The following RIMS1 variants were observed in gnomAD, a reference collection of about 807,000 sequenced individuals.
RIMS1 encodes the protein regulating synaptic membrane exocytosis protein 1.
Under a neutral mutation model 214.1 loss-of-function variants are expected in RIMS1, and 83 were observed. That is an observed-to-expected ratio of 0.39 (90% confidence interval 0.32 to 0.47). The LOEUF (loss-of-function observed/expected upper bound fraction) is 0.47, where lower values mean the gene tolerates loss of function less well. RIMS1 is among the 20% of genes least tolerant of loss of function. The pLI, the probability that RIMS1 is intolerant of heterozygous loss-of-function variation, is 0.99. For missense variants in RIMS1, 2,050 were observed against 2,161.8 expected (o/e 0.95, Z 1.03); for synonymous variants, 793 against 786.8 (o/e 1.01, Z -0.13).
chr6:72,197,345 G>A (rs190868086), intron 6 of RIMS1, among the ~76,000 whole-genome samples: 15 of 152,128 alleles, frequency 9.9e-5, no homozygotes, highest in South Asian at 4.2e-4. Flanking sequence ...GAAGAACCAC[G>A]ATAAACCAAG....
chr6:72,246,681 A>G (rs191724877), intron 11 of RIMS1, among the ~76,000 whole-genome samples: 5 of 152,288 alleles, frequency 3.3e-5, no homozygotes, highest in Admixed American at 2.6e-4. Context: ...AATGCATACC[A>G]TCATGTTCTG....
chr6:72,121,738 A>C (rs2038371324), intron 4 of RIMS1, among the ~76,000 whole-genome samples: 2 of 151,912 alleles, frequency 1.3e-5, no homozygotes, highest in South Asian at 4.2e-4. Context: ...GCTAGTTTTC[A>C]AAGGGAATGC....
intron 4 of RIMS1, among the ~76,000 whole-genome samples, chr6:72,107,989 TTTTG>T (rs145435323): frequency 8.5e-5 from 13 of 152,152 alleles, no homozygotes; most frequent in African/African-American, 2.6e-4. Context: ...CATTCTGTTT[TTTTG>T]TTTGTTTGTT....
chr6:72,278,701 T>C (rs1416975918), intron 23 of RIMS1, among the ~76,000 whole-genome samples: 1 of 152,090 alleles, frequency 6.6e-6, no homozygotes, highest in African/African-American at 2.4e-5. Flanking sequence ...AACTAAAATA[T>C]GGTGAGTCTA....
In RIMS1 at chr6:72,274,447, C is replaced by G. The variant is rs775841365; in HGVS notation, c.3482+15C>G. The G allele has an allele frequency of 8.7e-6, 14 of 1,600,090 alleles. No homozygotes were observed. In the Admixed American group the frequency reaches 2.0e-4, roughly 23 times the overall value. On this transcript the variant is annotated intron_variant, in intron 23 of 33. Transcript: ENST00000521978. ...GAGAATGACAGGTACTAGTCAACTC[C>G]TCCTCACAGACAAGTGGCTTCTAGA...
intron 6 of RIMS1, among the ~76,000 whole-genome samples, chr6:72,218,952 A>G (rs1347504856): frequency 6.6e-6 from 1 of 152,162 alleles, no homozygotes; most frequent in Non-Finnish European, 1.5e-5. Context: ...TTATTAGTGC[A>G]TAGTTAGGAA....
intron 18 of RIMS1, among the ~76,000 whole-genome samples, chr6:72,259,672 A>G (rs1261654889): frequency 6.6e-6 from 1 of 152,158 alleles, no homozygotes; most frequent in African/African-American, 2.4e-5. Flanking sequence ...TTAATTCTGC[A>G]TTTGTGAACT....
At chr6:71,978,192 G>A (rs752128484) in intron 2 of RIMS1, among the ~76,000 whole-genome samples, 3 of 152,040 alleles carry the variant, frequency 2.0e-5, no homozygotes, top group Admixed American at 6.6e-5. Flanking sequence ...CTTTGAATGC[G>A]GAATGCATAT....
chr6:72,133,211 T>C (rs549195928), intron 4 of RIMS1, among the ~76,000 whole-genome samples: 1 of 147,556 alleles, frequency 6.8e-6, no homozygotes, highest in Non-Finnish European at 1.5e-5. Context: ...TAGCTCTCTC[T>C]CTTTTTTTTC....
chr6:72,011,031 A>T (rs186543745), intron 2 of RIMS1, among the ~76,000 whole-genome samples: 2 of 151,752 alleles, frequency 1.3e-5, no homozygotes, highest in Non-Finnish European at 3.0e-5. Flanking sequence ...GTCAATCCTT[A>T]GCCAAAAGAA....
At chr6:72,263,619 T>C (rs1229302273) in intron 19 of RIMS1, 11 of 985,184 alleles carry the variant, frequency 1.1e-5, no homozygotes, top group African/African-American at 3.5e-5. Context: ...TTACTAAAGA[T>C]ATTTGCCTGA....
At chr6:72,358,984 G>T (rs535812973) in intron 29 of RIMS1, among the ~76,000 whole-genome samples, 1 of 152,228 alleles carries the variant, frequency 6.6e-6, no homozygotes, top group African/African-American at 2.4e-5. Flanking sequence ...CCACCTAAGG[G>T]TCATTCTTTA....
In RIMS1 at chr6:72,182,638, C is replaced by T; in HGVS notation, c.1167C>T (p.Arg389=). The T allele has an allele frequency of 6.5e-7, 1 of 1,538,606 alleles. No individual in the cohort carries two copies. The highest frequency in any genetic ancestry group is 8.8e-7 in the Non-Finnish European group (1 of 1,141,780). Reference sequence around the variant, plus strand: ...TGTCCCGCGCCAGGCACGAGCGGCGCCACAGCGACGTGGCGCTCCCGCGCA... The same window carrying T: ...TGTCCCGCGCCAGGCACGAGCGGCGTCACAGCGACGTGGCGCTCCCGCGCA... ...ARVSRARHER[R]HSDVALPRTE... Residue 389 remains arginine (R), a synonymous_variant, in exon 6 of 34, where the codon CGC becomes CGT. Transcript: ENST00000521978.
chr6:72,251,528 T>A (rs758723525), intron 15 of RIMS1, among the ~76,000 whole-genome samples, 160 bp downstream of exon 15: 6 of 152,176 alleles, frequency 3.9e-5, no homozygotes, highest in Non-Finnish European at 8.8e-5. Flanking sequence ...TGTTTCTACA[T>A]TTTCACAATG....
chr6:71,908,390 C>A (rs1775894540), intron 1 of RIMS1, among the ~76,000 whole-genome samples: 1 of 152,144 alleles, frequency 6.6e-6, no homozygotes, highest in Non-Finnish European at 1.5e-5. Flanking sequence ...CTCTCTCCTG[C>A]TGGATGAACC....
rs572968148 is a variant in RIMS1 at position 72,118,294 on chromosome 6, T to C, written c.471+18308T>C. ...TGCCATTATAGGAGGTTTTTTCCAC[T>C]GATTCCCCCTGTTATTTTTTTTTTA... On this transcript the variant is annotated intron_variant, in intron 4 of 33. Coordinates refer to ENST00000521978, the MANE Select transcript of RIMS1 (RefSeq NM_014989.7). Among the ~76,000 whole-genome samples the C allele has an allele frequency of 4.6e-5, 7 of 151,156 alleles. No individual in the cohort carries two copies. In the East Asian group the frequency reaches 1.4e-3, roughly 29 times the overall value.
chr6:72,272,239 C>G (rs186180908), intron 22 of RIMS1, among the ~76,000 whole-genome samples: 1 of 152,134 alleles, frequency 6.6e-6, no homozygotes, highest in African/African-American at 2.4e-5. Context: ...GATAAAGATT[C>G]TAATTTTGGT....
At chr6:72,261,916 G>A (rs956054486) in intron 19 of RIMS1, 1 of 984,714 alleles carries the variant, frequency 1.0e-6, no homozygotes, top group Non-Finnish European at 1.2e-6. Context: ...ACCTACTGAA[G>A]GTCAAAGCAT....
chr6:72,221,195 T>C (rs2058287914), intron 6 of RIMS1, among the ~76,000 whole-genome samples: 1 of 152,046 alleles, frequency 6.6e-6, no homozygotes, highest in East Asian at 1.9e-4. Flanking sequence ...ACAGTTTGCA[T>C]ACTTGTGAAC....
Sources: allele counts gnomAD v4.1 joint callset (sites outside exome capture counted in the v4.1 genomes callset), GRCh38; gene constraint gnomAD v4.1.1; transcripts MANE v1.5; gene names NCBI Gene and HGNC (gene_info 2026-07-23, HGNC 2026-07-21).